The following BICDL1 variants were observed in gnomAD, a reference collection of about 807,000 sequenced individuals.
The protein encoded by BICDL1 is BICD family-like cargo adapter 1.
In BICDL1, 20 loss-of-function variants were observed where a neutral mutation model predicts 76.8. That is an observed-to-expected ratio of 0.26 (90% confidence interval 0.18 to 0.38). The LOEUF (loss-of-function observed/expected upper bound fraction) is 0.38, where lower values mean the gene tolerates loss of function less well. Among genes scored for constraint, BICDL1 ranks in the 10% least tolerant of loss-of-function variants. The pLI, the probability that BICDL1 is intolerant of heterozygous loss-of-function variation, is 1.00. For missense variants in BICDL1, 700 were observed against 798.6 expected, an observed-to-expected ratio of 0.88 and a Z score of 1.49; for synonymous variants, 383 against 337.1, an observed-to-expected ratio of 1.14 and a Z score of -1.49.
At position 119,990,265 on chromosome 12, in the gene BICDL1, C is replaced by A; in HGVS notation, c.397C>A (p.Gln133Lys). The A allele has an allele frequency of 6.3e-7, 1 of 1,575,820 alleles. No individual in the cohort carries two copies. The highest frequency in any genetic ancestry group is 8.6e-7 in the Non-Finnish European group (1 of 1,161,514). ...CCAGGACATGAGCCGGCAGTACGAG[C>A]AGATGCATAAGGAGCTGACAGACAA... is the stretch of plus-strand genomic sequence containing the variant. Reference protein sequence around the residue: ...RNQDMSRQYEQMHKELTDKLE... With the variant: ...RNQDMSRQYEKMHKELTDKLE... Residue 133 changes from glutamine to lysine, a missense_variant, in exon 1 of 10, where the codon CAG (glutamine) becomes AAG (lysine). Physicochemically the swap from Gln to Lys is moderately conservative, Grantham distance 53. Around this residue, in one of 3 missense-constraint regions of BICDL1, gnomAD observed 225 missense variants for 199.6 expected, o/e 1.13. Coordinates refer to ENST00000548673, the MANE Select transcript of BICDL1 (RefSeq NM_001367886.1).
chr12:120,008,029 A>G (rs954748670), intron 2 of BICDL1, among the ~76,000 whole-genome samples: 22 of 152,284 alleles, frequency 1.4e-4, no homozygotes, highest in African/African-American at 5.3e-4. Flanking sequence ...GAAAGAAGTT[A>G]TGAAAACAAG....
intron 2 of BICDL1, among the ~76,000 whole-genome samples, chr12:120,047,172 C>G (rs1952765772): frequency 6.6e-6 from 1 of 152,030 alleles, no homozygotes; most frequent in South Asian, 2.1e-4. Flanking sequence ...CACATAGTGG[C>G]TTTTATACAT....
intron 2 of BICDL1, among the ~76,000 whole-genome samples, chr12:120,017,646 C>A (rs1056710465): frequency 2.0e-5 from 3 of 151,730 alleles, no homozygotes; most frequent in African/African-American, 7.3e-5. Flanking sequence ...GCAAGAGGAT[C>A]ACTTGAGCCC....
At chr12:120,089,854 C>T in intron 8 of BICDL1, 97 bp from the exon 9 acceptor site, 1 of 1,450,782 alleles carries the variant, frequency 6.9e-7, no homozygotes, top group South Asian at 1.3e-5. Context: ...AGGGTCAGAG[C>T]CTGTTTCCTC....
chr12:120,051,223 T>G (rs1016066960), intron 2 of BICDL1, among the ~76,000 whole-genome samples: 1 of 152,106 alleles, frequency 6.6e-6, no homozygotes, highest in African/African-American at 2.4e-5. Flanking sequence ...AATTTTTGTA[T>G]TTTTAGTAGA....
intron 2 of BICDL1, among the ~76,000 whole-genome samples, chr12:120,022,349 A>C (rs961582571): frequency 2.0e-5 from 3 of 150,758 alleles, no homozygotes; most frequent in Non-Finnish European, 3.0e-5. Flanking sequence ...GCATTGCTTG[A>C]GCTCAGGAGT....
intron 2 of BICDL1, among the ~76,000 whole-genome samples, chr12:120,033,403 G>GTC (rs148910613): frequency 0.19 from 21,264 of 110,078 alleles, 2,333 homozygotes; most frequent in East Asian, 0.36. Flanking sequence ...GGGAGATGGA[G>GTC]TCTCACTCTG....
rs189695312 is a variant in BICDL1, at chr12:120,060,474, G to A, written c.646-1236G>A. ...TCTGAACTTCTAAGTTTTTTAAGGA[G>A]TCAGTTGTATATCAGAATCTTACTA... On this transcript the variant is annotated intron_variant, in intron 2 of 9. Transcript: ENST00000548673. Among the ~76,000 whole-genome samples the A allele has an allele frequency of 2.5e-3, 387 of 152,230 alleles. 1 individual carries two copies. The highest frequency in any genetic ancestry group is 9.1e-3 in the African/African-American group (376 of 41,520).
chr12:120,093,250 C>A lies in BICDL1; in HGVS notation c.*89C>A. The A allele has an allele frequency of 1.4e-6, 2 of 1,421,184 alleles. No homozygotes were observed. Among genetic ancestry groups the A allele is most frequent in the East Asian group, 2.5e-5 (1 of 40,184 alleles). The allele number at this position is 1,421,184 out of a possible 1,614,324, so 88.0% of individuals were successfully genotyped here. ...AAGGCCTCCCCTGCAGCTTGCACCTCAGCAGCTGCCCTGCCCCTCATGCTA... is the reference window on the plus strand; with the variant it reads ...AAGGCCTCCCCTGCAGCTTGCACCTAAGCAGCTGCCCTGCCCCTCATGCTA... On this transcript the variant is annotated 3_prime_UTR_variant, in exon 10 of 10. Transcript: ENST00000548673.
chr12:120,046,831 C>T (rs1325618175), intron 2 of BICDL1, among the ~76,000 whole-genome samples: 1 of 152,102 alleles, frequency 6.6e-6, no homozygotes, highest in African/African-American at 2.4e-5. Context: ...TATCTGGGGC[C>T]TGTTTTATTA....
At chr12:120,085,530 AGGAGGC>A (rs1344750544) in intron 8 of BICDL1, among the ~76,000 whole-genome samples, 5 of 152,208 alleles carry the variant, frequency 3.3e-5, no homozygotes, top group Non-Finnish European at 7.3e-5. Flanking sequence ...CAAAAGCAGA[AGGAGGC>A]CAGGCAAGGG....
intron 2 of BICDL1, among the ~76,000 whole-genome samples, chr12:120,041,987 G>A (rs187976716): frequency 2.0e-5 from 3 of 152,138 alleles, no homozygotes; most frequent in Non-Finnish European, 4.4e-5. Context: ...GTCTGACTTG[G>A]GTTTCTGAGA....
At chr12:120,024,090 G>A (rs1162905628) in intron 2 of BICDL1, among the ~76,000 whole-genome samples, 1 of 152,068 alleles carries the variant, frequency 6.6e-6, no homozygotes, top group African/African-American at 2.4e-5. Flanking sequence ...GACTAGCCTG[G>A]ACAACATGGT....
chr12:120,073,728 T>C (rs7306739), intron 6 of BICDL1, among the ~76,000 whole-genome samples: 52,458 of 151,974 alleles, frequency 0.35, 12,155 homozygotes, highest in African/African-American at 0.66. Context: ...ATATGAAGGG[T>C]AGCTGTTCTG....
Position 120,071,502 on chromosome 12 carries a change from C to T in BICDL1, c.910-120C>T. ...TCCTGATGTAGTTTAACATGTTCTT[C>T]TCTCCTATTTATTTTTCTATAAATT... is the stretch of plus-strand genomic sequence containing the variant. On this transcript the variant is annotated intron_variant, in intron 4 of 9. Transcript: ENST00000548673. The surrounding 1 kb of genome is among the most constrained non-coding windows in gnomAD (Gnocchi z 4.8). The T allele has an allele frequency of 3.0e-6, 4 of 1,343,138 alleles. No homozygotes were observed. In the South Asian group the frequency reaches 6.3e-5, roughly 21 times the overall value. 83.2% of individuals were successfully genotyped at this position (1,343,138 alleles called of 1,614,324 possible).
At chr12:120,085,368 C>T (rs1253829250) in intron 8 of BICDL1, among the ~76,000 whole-genome samples, 1 of 152,102 alleles carries the variant, frequency 6.6e-6, no homozygotes, top group Non-Finnish European at 1.5e-5. Flanking sequence ...TGCACCACTG[C>T]CCTCCAGCTT....
At chr12:120,070,171 G>T (rs192888961) in intron 4 of BICDL1, among the ~76,000 whole-genome samples, 100 of 152,264 alleles carry the variant, frequency 6.6e-4, no homozygotes, top group South Asian at 1.0e-3. Flanking sequence ...ATAGAATATA[G>T]ATTCTATTTA....
At chr12:120,007,830 T>A (rs1441178432) in intron 2 of BICDL1, among the ~76,000 whole-genome samples, 1 of 152,222 alleles carries the variant, frequency 6.6e-6, no homozygotes, top group Admixed American at 6.5e-5. Flanking sequence ...CCACTCTGCC[T>A]CTGTTGAGTG....
intron 3 of BICDL1, chr12:120,064,500 A>G (rs2138912370): frequency 7.0e-6 from 2 of 286,690 alleles, no homozygotes; most frequent in East Asian, 1.3e-4. Context: ...GGCATCCCAC[A>G]TTCCAGCTTC....
Sources: gnomAD v4.1 joint callset for allele counts (sites outside exome capture counted in the v4.1 genomes callset) on GRCh38, gnomAD v4.1.1 for gene constraint, gnomAD v4.1.1 regional missense constraint, Gnocchi (gnomAD v3.1) non-coding constraint, MANE v1.5 for transcripts, NCBI Gene and HGNC (gene_info 2026-07-23, HGNC 2026-07-21) for gene names.